Variants in DGKB observed in about 807,000 individuals in gnomAD.
The protein encoded by DGKB is 90 kDa diacylglycerol kinase.
A neutral mutation model predicts 114.3 loss-of-function variants in DGKB; 67 were observed. The ratio of observed to expected loss-of-function variants is 0.59; its 90% CI spans 0.48 to 0.72. DGKB has a LOEUF of 0.72. DGKB is among the 30% of genes least tolerant of loss of function. The pLI is 0.00. For missense variants in DGKB, 907 were observed against 975.2 expected (o/e 0.93, Z 0.93); for synonymous variants, 398 against 323.1 (o/e 1.23, Z -2.49).
chr7:14,370,043 T>C (rs1308565515), intron 21 of DGKB, among the ~76,000 whole-genome samples: 28 of 152,214 alleles, frequency 1.8e-4, no homozygotes, highest in Admixed American at 1.8e-3. Flanking sequence ...CTGAATGGTA[T>C]TGCCTAGGTT....
intron 21 of DGKB, among the ~76,000 whole-genome samples, chr7:14,384,065 C>G (rs1005401918): frequency 1.1e-4 from 17 of 152,162 alleles, no homozygotes; most frequent in African/African-American, 3.9e-4. Flanking sequence ...TAACAACCCA[C>G]TTAGTCATTC....
chr7:14,213,525 T>A (rs1326827656), intron 23 of DGKB, among the ~76,000 whole-genome samples: 1 of 152,130 alleles, frequency 6.6e-6, no homozygotes, highest in Non-Finnish European at 1.5e-5. Context: ...ACAACATGTC[T>A]CCCTCTGGAG....
intron 2 of DGKB, among the ~76,000 whole-genome samples, chr7:14,802,186 C>A (rs1195411540): frequency 6.6e-6 from 1 of 152,080 alleles, no homozygotes; most frequent in African/African-American, 2.4e-5. Context: ...TAATTTTAAT[C>A]ATTGCTAATC....
At chr7:14,348,723 C>G (rs1812908493) in intron 21 of DGKB, among the ~76,000 whole-genome samples, 1 of 151,634 alleles carries the variant, frequency 6.6e-6, no homozygotes, top group African/African-American at 2.4e-5. Flanking sequence ...GAAATATGAG[C>G]CAAGTATTGT....
chr7:14,670,283 CTATA>C (rs35058432), intron 13 of DGKB, among the ~76,000 whole-genome samples: 4 of 146,670 alleles, frequency 2.7e-5, no homozygotes, highest in African/African-American at 2.5e-5. Flanking sequence ...GTATGTTATA[CTATA>C]TATATATATA....
intron 23 of DGKB, among the ~76,000 whole-genome samples, chr7:14,291,274 T>C (rs966442038): frequency 1.3e-5 from 2 of 151,934 alleles, no homozygotes; most frequent in African/African-American, 2.4e-5. Flanking sequence ...TAGGGAGGAA[T>C]TGGCAAAGTA....
chr7:14,927,556 T>C (rs1784809208), intron 1 of DGKB, among the ~76,000 whole-genome samples: 1 of 151,978 alleles, frequency 6.6e-6, no homozygotes, highest in African/African-American at 2.4e-5. Context: ...TACACAAATC[T>C]GGCAGTATTA....
At chr7:14,179,505 T>C (rs1782313880) in intron 23 of DGKB, among the ~76,000 whole-genome samples, 1 of 152,180 alleles carries the variant, frequency 6.6e-6, no homozygotes, top group Non-Finnish European at 1.5e-5. Flanking sequence ...GTCGGACTCA[T>C]AGAAAAACAA....
chr7:14,174,577 G>C (rs1179841698), intron 25 of DGKB, among the ~76,000 whole-genome samples: 1 of 152,048 alleles, frequency 6.6e-6, no homozygotes, highest in Non-Finnish European at 1.5e-5. Flanking sequence ...TTGTTACCAA[G>C]GCTGATGAAA....
intron 1 of DGKB, among the ~76,000 whole-genome samples, chr7:14,916,611 G>A (rs773309133): frequency 2.0e-5 from 3 of 152,032 alleles, no homozygotes; most frequent in Non-Finnish European, 4.4e-5. Flanking sequence ...TGTTCTTTAT[G>A]TGTGTGCACC....
intron 23 of DGKB, among the ~76,000 whole-genome samples, chr7:14,225,188 G>C (rs1405208116): frequency 6.6e-6 from 1 of 152,014 alleles, no homozygotes; most frequent in Non-Finnish European, 1.5e-5. Flanking sequence ...AAGAGATATG[G>C]AGCTTTCTGT....
chr7:14,342,680 A>T (rs1022111509), intron 22 of DGKB, among the ~76,000 whole-genome samples: 2 of 151,882 alleles, frequency 1.3e-5, no homozygotes, highest in African/African-American at 4.8e-5. Context: ...TGCAATGGAG[A>T]TATAACAGTA....
intron 2 of DGKB, among the ~76,000 whole-genome samples, chr7:14,800,815 G>A (rs1185761387): frequency 2.0e-5 from 3 of 151,988 alleles, no homozygotes; most frequent in East Asian, 1.9e-4. Flanking sequence ...ACCATGGCCC[G>A]TCAATGGAAA....
At chr7:14,747,589 A>G (rs939030843) in intron 4 of DGKB, among the ~76,000 whole-genome samples, 2 of 152,158 alleles carry the variant, frequency 1.3e-5, no homozygotes, top group African/African-American at 2.4e-5. Flanking sequence ...TTCCAAATTT[A>G]GGCATCAGAG....
chr7:14,934,676 A>T (rs530621770), intron 1 of DGKB, among the ~76,000 whole-genome samples: 3 of 152,168 alleles, frequency 2.0e-5, no homozygotes, highest in African/African-American at 7.2e-5. Flanking sequence ...ACCTGACACA[A>T]TAAAATTTAT....
chr7:14,458,107 T>C (rs1832561996), intron 21 of DGKB, among the ~76,000 whole-genome samples: 1 of 152,182 alleles, frequency 6.6e-6, no homozygotes, highest in East Asian at 1.9e-4. Context: ...ATTCTTTCTC[T>C]TTCTGGAATT....
At chr7:14,877,201 A>G (rs910082181) in intron 1 of DGKB, among the ~76,000 whole-genome samples, 1 of 152,138 alleles carries the variant, frequency 6.6e-6, no homozygotes, top group Non-Finnish European at 1.5e-5. Context: ...TTTACCCCCT[A>G]TTATACGATT....
chr7:14,883,852 C>A (rs1008873101), intron 1 of DGKB, among the ~76,000 whole-genome samples: 1 of 151,794 alleles, frequency 6.6e-6, no homozygotes, highest in African/African-American at 2.4e-5. Context: ...CACTTTTATC[C>A]CTGTTCTAAA....
chr7:14,627,600 G>GTC (rs965056129), intron 14 of DGKB, among the ~76,000 whole-genome samples: 1 of 151,688 alleles, frequency 6.6e-6, no homozygotes, highest in Non-Finnish European at 1.5e-5. Flanking sequence ...GTGTGTGTGT[G>GTC]TGTGTGTAGT....
Sources: allele counts gnomAD v4.1 joint callset (sites outside exome capture counted in the v4.1 genomes callset), GRCh38; gene constraint gnomAD v4.1.1; transcripts MANE v1.5; gene names NCBI Gene and HGNC (gene_info 2026-07-23, HGNC 2026-07-21).